The following LARP4 variants were observed in gnomAD, a reference collection of about 807,000 sequenced individuals.
The protein encoded by LARP4 is La ribonucleoprotein 4, also known as la-related protein 4.
A neutral mutation model predicts 92.9 loss-of-function variants in LARP4; 29 were observed. The ratio of observed to expected loss-of-function variants is 0.31; its 90% CI spans 0.23 to 0.43. The LOEUF (loss-of-function observed/expected upper bound fraction) is 0.43. LARP4 is among the 20% of genes least tolerant of loss of function. The probability of loss-of-function intolerance (pLI) is 1.00; values close to 1 mark genes in which losing one functional copy is unlikely to be tolerated. For missense variants in LARP4, 732 were observed against 860.0 expected (o/e 0.85, Z 1.86); for synonymous variants, 279 against 284.1 (o/e 0.98, Z 0.18).
At chr12:50,423,774 G>A (rs1046793501) in intron 1 of LARP4, among the ~76,000 whole-genome samples, 4 of 146,904 alleles carry the variant, frequency 2.7e-5, no homozygotes, top group East Asian at 2.0e-4. Context: ...TTTTTTAGAC[G>A]GAGTCTTGTT....
At chr12:50,405,423 A>T (rs540105864) in intron 1 of LARP4, among the ~76,000 whole-genome samples, 29 of 149,774 alleles carry the variant, frequency 1.9e-4, no homozygotes, top group East Asian at 6.0e-4. Context: ...ATTTAAAAAA[A>T]TTTTTTCATT....
intron 1 of LARP4, among the ~76,000 whole-genome samples, chr12:50,407,005 G>A (rs1412864852): frequency 3.3e-5 from 5 of 149,458 alleles, no homozygotes; most frequent in African/African-American, 9.9e-5. Context: ...TTGAGCCACC[G>A]CGCCCAGCCC....
intron 10 of LARP4, among the ~76,000 whole-genome samples, chr12:50,460,093 C>T (rs1183532910): frequency 6.6e-6 from 1 of 151,588 alleles, no homozygotes; most frequent in Non-Finnish European, 1.5e-5. Context: ...CGAGATTGCA[C>T]CACTGCGCTC....
chr12:50,477,144 C>G lies in LARP4; in HGVS notation c.*1280C>G, dbSNP rs1165180145. 1.3e-5 allele frequency: 2 copies of G among 152,384 alleles called. No homozygotes were observed. The highest frequency in any genetic ancestry group is 4.8e-5 in the African/African-American group (2 of 41,372). The allele number at this position is 152,384 out of a possible 1,614,324, so 9.4% of individuals were successfully genotyped here. A position where few individuals can be genotyped will look rare whatever the true frequency, so the allele number is the denominator to read the frequency against. ...CAGTTTGGAATTCACTGAAACAGTACCAGCAAGTCATGAGATTTTTTAGTA... is the reference window on the plus strand; with the variant it reads ...CAGTTTGGAATTCACTGAAACAGTAGCAGCAAGTCATGAGATTTTTTAGTA... On this transcript the variant is annotated 3_prime_UTR_variant, in exon 16 of 16. Transcript: ENST00000398473.
chr12:50,452,068 C>T (rs759896461), intron 8 of LARP4, among the ~76,000 whole-genome samples: 32 of 152,098 alleles, frequency 2.1e-4, no homozygotes, highest in Non-Finnish European at 4.1e-4. Context: ...TTTTCTCCAT[C>T]GATTCATTTG....
chr12:50,442,730 G>T (rs529196859), intron 8 of LARP4, among the ~76,000 whole-genome samples: 5 of 152,268 alleles, frequency 3.3e-5, no homozygotes, highest in African/African-American at 1.2e-4. Context: ...TAGTGCTTTT[G>T]TTTTCTTCAG....
chr12:50,415,524 C>T (rs1315807448), intron 1 of LARP4, among the ~76,000 whole-genome samples: 1 of 152,060 alleles, frequency 6.6e-6, no homozygotes, highest in Non-Finnish European at 1.5e-5. Flanking sequence ...TTATATATGA[C>T]ATACTTTGTA....
At chr12:50,452,829 G>A (rs916428684) in intron 8 of LARP4, among the ~76,000 whole-genome samples, 1 of 152,028 alleles carries the variant, frequency 6.6e-6, no homozygotes, top group Non-Finnish European at 1.5e-5. Context: ...TACAATTCGT[G>A]TATTAGAGAT....
At chr12:50,405,364 A>G (rs1484000093) in intron 1 of LARP4, among the ~76,000 whole-genome samples, 2 of 152,344 alleles carry the variant, frequency 1.3e-5, no homozygotes, top group African/African-American at 4.8e-5. Flanking sequence ...CTTCATCTGA[A>G]TGCTATCAAG....
chr12:50,401,385 G>A, intron 1 of LARP4: 1 of 242,540 alleles, frequency 4.1e-6, no homozygotes, highest in East Asian at 9.1e-5. Flanking sequence ...GTAATCAGGT[G>A]GGCGCGTTCC....
chr12:50,475,613 C>T lies in LARP4; in HGVS notation c.1924C>T (p.Arg642Cys). The change falls in exon 16 of 16, where the codon CGC becomes TGC. Residue 642 changes from arginine (R) to cysteine (C), a missense_variant. Physicochemically the swap from Arg to Cys is radical, Grantham distance 180. Coordinates refer to ENST00000398473, the MANE Select transcript of LARP4 (RefSeq NM_052879.5). ...SVLVQPLREL[R>C]SNVVSPTKNE... ...TCTTGTGCAGCCACTACGGGAACTTCGCTCCAATGTGGTGTCTCCCACCAA... is the reference window on the plus strand; with the variant it reads ...TCTTGTGCAGCCACTACGGGAACTTTGCTCCAATGTGGTGTCTCCCACCAA... The T allele has an allele frequency of 6.2e-7, 1 of 1,614,082 alleles. No individual in the cohort carries two copies. Among genetic ancestry groups the T allele is most frequent in the Non-Finnish European group, 8.5e-7 (1 of 1,180,018 alleles).
Position 50,479,254 on chromosome 12 carries a change from A to G in LARP4, c.*3390A>G, listed in dbSNP as rs1273811018. On this transcript the variant is annotated 3_prime_UTR_variant, in exon 16 of 16. Transcript: ENST00000398473. ...AGTCTCTGGTATTTAGGCTGGCAAT[A>G]TATATATTAACCATATTTTAAAAGT... 1 of 152,626 alleles carries G rather than the reference A, an allele frequency of 6.6e-6. No homozygotes were observed. Among genetic ancestry groups the G allele is most frequent in the Non-Finnish European group, 1.5e-5 (1 of 68,026 alleles). The allele number at this position is 152,626 out of a possible 1,614,324, so 9.5% of individuals were successfully genotyped here.
chr12:50,460,793 A>C (rs1020594203), intron 10 of LARP4, among the ~76,000 whole-genome samples: 3 of 152,152 alleles, frequency 2.0e-5, no homozygotes, highest in African/African-American at 7.2e-5. Context: ...AATACAAAAA[A>C]TTAGCTGGAC....
intron 8 of LARP4, among the ~76,000 whole-genome samples, chr12:50,452,152 C>G (rs1319403490): frequency 6.6e-6 from 1 of 152,106 alleles, no homozygotes; most frequent in Non-Finnish European, 1.5e-5. Flanking sequence ...GTGCAGATAC[C>G]CTTCAGCATA....
intron 10 of LARP4, among the ~76,000 whole-genome samples, chr12:50,458,448 G>T (rs1293322236): frequency 6.6e-6 from 1 of 151,898 alleles, no homozygotes; most frequent in Non-Finnish European, 1.5e-5. Context: ...TTTTAATAAT[G>T]GTAATTTTTT....
At position 50,452,869 on chromosome 12, in the gene LARP4, A is replaced by G. The variant is rs150212446; in HGVS notation, c.805-591A>G. Among the ~76,000 whole-genome samples the G allele has an allele frequency of 1.8e-4, 28 of 151,986 alleles. No homozygotes were observed. The East Asian group carries it at 4.1e-3, about 22-fold the overall frequency. ...GTACCCTTGCCTGTGATGAGCTACA[A>G]TTTACTGTTTTGACTTAGTTTTTTG... On this transcript the variant is annotated intron_variant, in intron 8 of 15. Coordinates refer to ENST00000398473, the MANE Select transcript of LARP4 (RefSeq NM_052879.5).
chr12:50,463,290 A>G (rs1056919534), intron 12 of LARP4, among the ~76,000 whole-genome samples: 2 of 151,510 alleles, frequency 1.3e-5, no homozygotes, highest in African/African-American at 4.9e-5. Context: ...AAGCTCCAAA[A>G]TACTCACCTT....
intron 10 of LARP4, among the ~76,000 whole-genome samples, chr12:50,455,519 G>A (rs763951251): frequency 1.4e-4 from 22 of 152,246 alleles, no homozygotes; most frequent in Non-Finnish European, 2.9e-4. Context: ...ACAGTCTTTT[G>A]CCAGATTCGA....
At chr12:50,437,326 A>G (rs554915172) in intron 5 of LARP4, among the ~76,000 whole-genome samples, 1 of 152,142 alleles carries the variant, frequency 6.6e-6, no homozygotes, top group Non-Finnish European at 1.5e-5. Context: ...ATTTCTTCAT[A>G]TATCAGATTT....
Sources: allele counts gnomAD v4.1 joint callset (sites outside exome capture counted in the v4.1 genomes callset), GRCh38; gene constraint gnomAD v4.1.1; transcripts MANE v1.5; gene names NCBI Gene and HGNC (gene_info 2026-07-23, HGNC 2026-07-21).